SCD5: variants seen among roughly 807,000 people sequenced by gnomAD.
SCD5 encodes stearoyl-CoA desaturase 5.
In SCD5, 20 loss-of-function variants were observed where a neutral mutation model predicts 30.4. The ratio of observed to expected loss-of-function variants is 0.66; its 90% CI spans 0.46 to 0.96. The LOEUF is 0.96. Among genes scored for constraint, SCD5 ranks in the 40% least tolerant of loss-of-function variants. The probability of loss-of-function intolerance (pLI) is 0.00; values close to 1 mark genes in which losing one functional copy is unlikely to be tolerated. For missense variants in SCD5, 381 were observed against 443.3 expected (o/e 0.86, Z 1.26); for synonymous variants, 173 against 176.4 (o/e 0.98, Z 0.16).
At chr4:82,726,558 G>GT (rs11382675) in intron 1 of SCD5, among the ~76,000 whole-genome samples, 32,070 of 146,388 alleles carry the variant, frequency 0.22, 3,785 homozygotes, top group East Asian at 0.31. Context: ...GAAAGCAGCT[G>GT]TTTTTTTTTT....
chr4:82,792,490 G>A (rs1015664032), intron 1 of SCD5, among the ~76,000 whole-genome samples: 2 of 152,156 alleles, frequency 1.3e-5, no homozygotes, highest in Admixed American at 6.5e-5. Context: ...CAGGAGGATC[G>A]CTGGATCCCA....
At chr4:82,708,778 G>A (rs1720018176) in intron 1 of SCD5, among the ~76,000 whole-genome samples, 1 of 152,164 alleles carries the variant, frequency 6.6e-6, no homozygotes, top group Non-Finnish European at 1.5e-5. Context: ...CTTAATCCTG[G>A]ACCTGATCAG....
chr4:82,675,554 C>T (rs1016701699), intron 3 of SCD5, among the ~76,000 whole-genome samples: 2 of 152,190 alleles, frequency 1.3e-5, no homozygotes, highest in African/African-American at 4.8e-5. Context: ...TTCAGTTTAT[C>T]TCATCACCAT....
intron 2 of SCD5, among the ~76,000 whole-genome samples, chr4:82,695,839 C>T (rs1258613206): frequency 1.3e-5 from 2 of 152,204 alleles, no homozygotes; most frequent in Admixed American, 6.5e-5. Context: ...CAGCTCAAAT[C>T]TCCCCTTCTG....
chr4:82,663,886 GC>G (rs1400056555), intron 3 of SCD5, among the ~76,000 whole-genome samples: 1 of 152,162 alleles, frequency 6.6e-6, no homozygotes, highest in Non-Finnish European at 1.5e-5. Context: ...ACCTGCTTGT[GC>G]CCAGGATCTT....
At chr4:82,773,981 C>T (rs982503742) in intron 1 of SCD5, among the ~76,000 whole-genome samples, 18 of 151,192 alleles carry the variant, frequency 1.2e-4, no homozygotes, top group Admixed American at 1.1e-3. Flanking sequence ...CCCAGCTACT[C>T]GGGAGGCTGA....
At chr4:82,791,563 G>T (rs1370032606) in intron 1 of SCD5, among the ~76,000 whole-genome samples, 6 of 152,168 alleles carry the variant, frequency 3.9e-5, no homozygotes, top group Non-Finnish European at 7.3e-5. Context: ...AAGGAAACGT[G>T]TGGATGGAAA....
intron 1 of SCD5, among the ~76,000 whole-genome samples, chr4:82,715,109 C>T (rs58736724): frequency 0.065 from 9,901 of 151,370 alleles, 1,221 homozygotes; most frequent in African/African-American, 0.23. Context: ...TGGTGGCACA[C>T]GCCTGTAATC....
At chr4:82,778,286 T>G (rs1721796748) in intron 1 of SCD5, among the ~76,000 whole-genome samples, 1 of 152,170 alleles carries the variant, frequency 6.6e-6, no homozygotes, top group South Asian at 2.1e-4. Flanking sequence ...GAACCCACCC[T>G]GCCTCCAGTC....
intron 3 of SCD5, among the ~76,000 whole-genome samples, chr4:82,664,995 CTCTCTATA>C (rs1380579132): frequency 3.6e-4 from 30 of 83,278 alleles, no homozygotes; most frequent in African/African-American, 1.5e-3. Flanking sequence ...CTCTCTCTCT[CTCTCTATA>C]TATATATATA....
At chr4:82,777,116 T>C (rs1418871507) in intron 1 of SCD5, among the ~76,000 whole-genome samples, 3 of 152,240 alleles carry the variant, frequency 2.0e-5, no homozygotes, top group Non-Finnish European at 4.4e-5. Context: ...TGCCAGACAG[T>C]GGCCCTCTCT....
rs928489478 is a variant in SCD5, at chr4:82,790,106, T to A, written c.232+8200A>T. Among the ~76,000 whole-genome samples the A allele has an allele frequency of 2.0e-5, 3 of 150,724 alleles. No individual in the cohort carries two copies. In the South Asian group the frequency reaches 6.4e-4, roughly 32 times the overall value. ...GCCCCACTTCAAGCCCACTAAAGAGTCAGGGACACTGGCACCCAATGAGAT... is the reference window on the plus strand; with the variant it reads ...GCCCCACTTCAAGCCCACTAAAGAGACAGGGACACTGGCACCCAATGAGAT... On this transcript the variant is annotated intron_variant, in intron 1 of 4. Coordinates refer to ENST00000319540, the MANE Select transcript of SCD5 (RefSeq NM_001037582.3).
chr4:82,710,949 T>C (rs1252489685), intron 1 of SCD5, among the ~76,000 whole-genome samples: 1 of 152,136 alleles, frequency 6.6e-6, no homozygotes, highest in African/African-American at 2.4e-5. Flanking sequence ...TACAGCATCA[T>C]GGCTAAAATG....
At chr4:82,649,222 A>T (rs562473561) in intron 3 of SCD5, among the ~76,000 whole-genome samples, 22 of 142,984 alleles carry the variant, frequency 1.5e-4, no homozygotes, top group East Asian at 8.2e-4. Context: ...TGTGTGTGTG[A>T]GATTCTTCAC....
At chr4:82,764,117 T>C (rs983610570) in intron 1 of SCD5, among the ~76,000 whole-genome samples, 1 of 152,224 alleles carries the variant, frequency 6.6e-6, no homozygotes, top group African/African-American at 2.4e-5. Flanking sequence ...TTAACTGGGG[T>C]ATTAGAACTC....
At chr4:82,665,908 A>C (rs559012396) in intron 3 of SCD5, among the ~76,000 whole-genome samples, 3 of 152,298 alleles carry the variant, frequency 2.0e-5, no homozygotes, top group South Asian at 4.1e-4. Context: ...ATTTTAACTG[A>C]TCTTTTTTCT....
intron 1 of SCD5, among the ~76,000 whole-genome samples, chr4:82,780,017 G>A (rs1398515035): frequency 6.6e-6 from 1 of 152,170 alleles, no homozygotes; most frequent in Non-Finnish European, 1.5e-5. Flanking sequence ...AGGATACTGT[G>A]GCCCTATAAT....
chr4:82,704,737 G>A (rs562912624), intron 2 of SCD5, among the ~76,000 whole-genome samples: 30 of 152,326 alleles, frequency 2.0e-4, no homozygotes, highest in Non-Finnish European at 4.0e-4. Context: ...TTTCCACCAT[G>A]ACCTCGCAGG....
intron 1 of SCD5, among the ~76,000 whole-genome samples, chr4:82,790,346 T>G (rs1428193317): frequency 6.6e-6 from 1 of 152,218 alleles, no homozygotes; most frequent in Non-Finnish European, 1.5e-5. Context: ...TTTTCACCAC[T>G]GAGCAGAGAC....
Sources: gnomAD v4.1 joint callset for allele counts (sites outside exome capture counted in the v4.1 genomes callset) on GRCh38, gnomAD v4.1.1 for gene constraint, MANE v1.5 for transcripts, NCBI Gene and HGNC (gene_info 2026-07-23, HGNC 2026-07-21) for gene names.